Variants in SV2C observed in about 807,000 individuals in gnomAD.
SV2C encodes the protein solute carrier family 22 member B3.
A neutral mutation model predicts 79.7 loss-of-function variants in SV2C; 49 were observed. The observed-to-expected ratio is 0.61, with a 90% CI of 0.49 to 0.78. The LOEUF is 0.78. SV2C is among the 30% of genes least tolerant of loss of function. SV2C has a pLI of 0.00. For synonymous variants in SV2C, 334 were observed against 333.2 expected (o/e 1.00, Z -0.03); for missense variants, 833 against 912.9 (o/e 0.91, Z 1.13).
intron 1 of SV2C, among the ~76,000 whole-genome samples, chr5:76,102,595 GGCA>G (rs1209902629): frequency 2.0e-5 from 3 of 152,128 alleles, no homozygotes; most frequent in African/African-American, 7.2e-5. Flanking sequence ...GAAAGGAAAG[GGCA>G]TAATCCCAGA....
At chr5:76,046,774 G>C in the SV2C span, among the ~76,000 whole-genome samples, 1 of 152,194 alleles carries the variant, frequency 6.6e-6, no homozygotes, top group Non-Finnish European at 1.5e-5. Flanking sequence ...CCCTCCTGAG[G>C]GGATGCTCTC....
chr5:76,094,615 AG>A (rs1747488270), intron 1 of SV2C, among the ~76,000 whole-genome samples: 1 of 152,170 alleles, frequency 6.6e-6, no homozygotes, highest in Non-Finnish European at 1.5e-5. Flanking sequence ...TTATCAATAA[AG>A]TATCTATGAA....
intron 2 of SV2C, among the ~76,000 whole-genome samples, chr5:76,154,425 A>C (rs1254213545): frequency 2.6e-5 from 4 of 152,198 alleles, no homozygotes; most frequent in Non-Finnish European, 4.4e-5. Context: ...TTAAGCATTC[A>C]TTGTTTGAAA....
intron 4 of SV2C, among the ~76,000 whole-genome samples, chr5:76,225,849 T>G (rs150304326): frequency 6.6e-6 from 1 of 152,314 alleles, no homozygotes. Flanking sequence ...TTTAAATTAC[T>G]TGATGAGAGT....
chr5:76,176,067 C>A (rs547285900), intron 2 of SV2C, among the ~76,000 whole-genome samples: 2 of 152,310 alleles, frequency 1.3e-5, no homozygotes, highest in South Asian at 4.1e-4. Context: ...CCCCCAGGAG[C>A]AATTTGTTAT....
chr5:76,096,087 T>A (rs2112107958), intron 1 of SV2C, among the ~76,000 whole-genome samples: 1 of 152,254 alleles, frequency 6.6e-6, no homozygotes, highest in East Asian at 1.9e-4. Context: ...CACGTGATTG[T>A]AGGGGAGTGA....
chr5:76,262,723 C>T (rs1246549554), intron 4 of SV2C, among the ~76,000 whole-genome samples: 1 of 152,140 alleles, frequency 6.6e-6, no homozygotes, highest in East Asian at 1.9e-4. Context: ...TGTTCAGTTT[C>T]CATGTAGTTG....
chr5:76,245,517 A>G (rs1395391851), intron 4 of SV2C, among the ~76,000 whole-genome samples: 1 of 152,202 alleles, frequency 6.6e-6, no homozygotes, highest in Non-Finnish European at 1.5e-5. Flanking sequence ...AATCAGATCA[A>G]CCTAAGCTCA....
the SV2C span, among the ~76,000 whole-genome samples, chr5:75,888,330 T>A: frequency 5.0e-3 from 729 of 146,484 alleles, 8 homozygotes; most frequent in Middle Eastern, 6.8e-3. Flanking sequence ...TCCTTGCTTT[T>A]TAAAAAAAAA....
At chr5:76,350,131 G>A (rs1224567761) in intron 12 of SV2C, among the ~76,000 whole-genome samples, 3 of 152,076 alleles carry the variant, frequency 2.0e-5, no homozygotes, top group African/African-American at 7.2e-5. Flanking sequence ...AGAATTAAAC[G>A]ATCACAAATC....
the SV2C span, among the ~76,000 whole-genome samples, chr5:76,023,036 T>A: frequency 6.6e-6 from 1 of 152,242 alleles, no homozygotes; most frequent in Admixed American, 6.5e-5. Flanking sequence ...ATATCCACAC[T>A]TCACAGTGAA....
At chr5:75,875,508 T>G in the SV2C span, among the ~76,000 whole-genome samples, 18,979 of 152,096 alleles carry the variant, frequency 0.12, 1,396 homozygotes, top group African/African-American at 0.22. Context: ...TACTATTCAG[T>G]ACATAGGCAC....
chr5:75,916,867 A>G, the SV2C span, among the ~76,000 whole-genome samples: 4 of 152,150 alleles, frequency 2.6e-5, no homozygotes, highest in African/African-American at 9.7e-5. Flanking sequence ...CTTGGGCAGG[A>G]TGAAAATACC....
chr5:76,279,074 A>AGG (rs747968579), intron 4 of SV2C, among the ~76,000 whole-genome samples: 5 of 152,172 alleles, frequency 3.3e-5, no homozygotes, highest in African/African-American at 4.8e-5. Context: ...AAAGAAGATG[A>AGG]GGATGAGGTC....
At chr5:76,133,694 A>C (rs916288788) in intron 2 of SV2C, among the ~76,000 whole-genome samples, 1 of 152,230 alleles carries the variant, frequency 6.6e-6, no homozygotes, top group African/African-American at 2.4e-5. Flanking sequence ...TATCAAATGC[A>C]GACATCACCA....
At chr5:75,906,422 T>A in the SV2C span, among the ~76,000 whole-genome samples, 1 of 151,922 alleles carries the variant, frequency 6.6e-6, no homozygotes, top group South Asian at 2.1e-4. Context: ...GGCAGGAGGT[T>A]TTCATGTCTG....
chr5:76,313,344 C>G (rs1748520003), intron 12 of SV2C, among the ~76,000 whole-genome samples: 1 of 152,036 alleles, frequency 6.6e-6, no homozygotes, highest in Non-Finnish European at 1.5e-5. Context: ...TCCTTATACG[C>G]CTTATCATTA....
At chr5:75,921,565 A>G in the SV2C span, 362 of 920,710 alleles carry the variant, frequency 3.9e-4, 7 homozygotes, top group South Asian at 4.2e-3. Context: ...GGTTTGTGTC[A>G]TTGCGGCCCG....
chr5:76,171,985 G>T (rs1164457139), intron 2 of SV2C, among the ~76,000 whole-genome samples: 100 of 120,280 alleles, frequency 8.3e-4, no homozygotes, highest in African/African-American at 3.0e-3. Context: ...GGAGGGAGGT[G>T]GGGGGGGTCA....
Sources: allele counts gnomAD v4.1 joint callset (sites outside exome capture counted in the v4.1 genomes callset), GRCh38; gene constraint gnomAD v4.1.1; transcripts MANE v1.5; gene names NCBI Gene and HGNC (gene_info 2026-07-23, HGNC 2026-07-21).